The following RUNX2 variants were observed in gnomAD, a reference collection of about 807,000 sequenced individuals.
RUNX2 encodes RUNX family transcription factor 2, also known as runt-related transcription factor 2.
A neutral mutation model predicts 51.7 loss-of-function variants in RUNX2; 10 were observed. The ratio of observed to expected loss-of-function variants is 0.19; its 90% CI spans 0.12 to 0.33. The LOEUF is 0.33. Among genes scored for constraint, RUNX2 ranks in the 10% least tolerant of loss-of-function variants. RUNX2 has a pLI of 1.00. For missense variants in RUNX2, 562 were observed against 691.3 expected, an observed-to-expected ratio of 0.81 and a Z score of 2.10; for synonymous variants, 276 against 273.6, an observed-to-expected ratio of 1.01 and a Z score of -0.09.
intron 5 of RUNX2, among the ~76,000 whole-genome samples, chr6:45,452,356 T>G (rs1799199072): frequency 6.6e-6 from 1 of 152,202 alleles, no homozygotes; most frequent in Admixed American, 6.5e-5. Flanking sequence ...ATTTAAAGAC[T>G]GGCAGAGAAG....
At chr6:45,485,242 G>A (rs1387651743) in intron 5 of RUNX2, among the ~76,000 whole-genome samples, 1 of 144,892 alleles carries the variant, frequency 6.9e-6, no homozygotes, top group Non-Finnish European at 1.5e-5. Flanking sequence ...TTGTTGCCCA[G>A]TTTCTCACTT....
chr6:45,527,445 G>A (rs1226237756), intron 7 of RUNX2, among the ~76,000 whole-genome samples: 1 of 152,214 alleles, frequency 6.6e-6, no homozygotes, highest in African/African-American at 2.4e-5. Flanking sequence ...ACCCTAGTGA[G>A]AGGACAGTGG....
At chr6:45,505,723 C>T (rs532242282) in intron 6 of RUNX2, among the ~76,000 whole-genome samples, 42 of 152,172 alleles carry the variant, frequency 2.8e-4, no homozygotes, top group Non-Finnish European at 5.3e-4. Flanking sequence ...ACGGTTTTGC[C>T]TTCTGTGCTT....
chr6:45,472,252 G>GAA (rs1799824748), intron 5 of RUNX2, among the ~76,000 whole-genome samples: 1 of 152,164 alleles, frequency 6.6e-6, no homozygotes, highest in African/African-American at 2.4e-5. Flanking sequence ...AAAGGAAAGT[G>GAA]AGCAGAGGGC....
In RUNX2 at chr6:45,422,749, AG is replaced by A. The variant is rs1554384228; in HGVS notation, c.217del (p.Ala73ArgfsTer71). The A allele has an allele frequency of 4.6e-6, 7 of 1,531,060 alleles. 1 individual carries two copies. Among genetic ancestry groups the A allele is most frequent in the Non-Finnish European group, 4.4e-6 (5 of 1,143,270 alleles). The allele number at this position is 1,531,060 out of a possible 1,614,324, so 94.8% of individuals were successfully genotyped here. The stretch of plus-strand genomic sequence containing the variant: ...CAGCAACAGCAGCAGCAGCAGCAGG[AG>A]GCGGCGGCGGCGGCTGCGGCGGCGG... ...QQQQQQQQQQ[E>X]AAAAAAAAAA... is the part of the protein sequence containing the mutation. On this transcript the variant is annotated frameshift_variant, in exon 3 of 9. Coordinates refer to ENST00000647337, the MANE Select transcript of RUNX2 (RefSeq NM_001024630.4). LOFTEE classifies it high-confidence loss of function.
At chr6:45,473,126 C>A (rs1183187456) in intron 5 of RUNX2, among the ~76,000 whole-genome samples, 1 of 152,196 alleles carries the variant, frequency 6.6e-6, no homozygotes. Flanking sequence ...TTTATTTATA[C>A]AGCATTTGTG....
At chr6:45,462,618 A>C (rs1799507364) in intron 5 of RUNX2, among the ~76,000 whole-genome samples, 1 of 152,234 alleles carries the variant, frequency 6.6e-6, no homozygotes, top group Non-Finnish European at 1.5e-5. Context: ...ACTATTCACA[A>C]TAGAGTTTTT....
chr6:45,400,660 T>G (rs1244090550), intron 2 of RUNX2, among the ~76,000 whole-genome samples: 1 of 152,180 alleles, frequency 6.6e-6, no homozygotes. Flanking sequence ...TCTTATGTAT[T>G]TTTTTATTTC....
chr6:45,429,906 C>T (rs1477999653), intron 3 of RUNX2, among the ~76,000 whole-genome samples: 1 of 152,018 alleles, frequency 6.6e-6, no homozygotes, highest in Non-Finnish European at 1.5e-5. Context: ...CCAGCCTGGC[C>T]AACATGGTGA....
chr6:45,411,407 T>C (rs1484836113), intron 2 of RUNX2, among the ~76,000 whole-genome samples: 1 of 152,158 alleles, frequency 6.6e-6, no homozygotes, highest in African/African-American at 2.4e-5. Flanking sequence ...ATAAGAAACA[T>C]TCTATAGAAA....
chr6:45,421,900 G>C (rs1798202424), intron 2 of RUNX2: 3 of 152,304 alleles, frequency 2.0e-5, no homozygotes, highest in Admixed American at 2.0e-4. Flanking sequence ...GCAGGAGGGA[G>C]TGGATGCAAA....
chr6:45,494,491 A>G (rs887534316), intron 6 of RUNX2, among the ~76,000 whole-genome samples: 1 of 152,170 alleles, frequency 6.6e-6, no homozygotes, highest in Non-Finnish European at 1.5e-5. Flanking sequence ...AATAGAATTG[A>G]TTTATAGACT....
At chr6:45,524,373 A>G (rs1446668831) in intron 7 of RUNX2, among the ~76,000 whole-genome samples, 1 of 152,176 alleles carries the variant, frequency 6.6e-6, no homozygotes, top group Non-Finnish European at 1.5e-5. Flanking sequence ...AGAGACTGTG[A>G]CCTTAAGTGA....
At chr6:45,397,715 G>T (rs1417675419) in intron 2 of RUNX2, among the ~76,000 whole-genome samples, 1 of 152,062 alleles carries the variant, frequency 6.6e-6, no homozygotes, top group East Asian at 1.9e-4. Context: ...TCTTTTGCTA[G>T]TCACGTAATA....
At chr6:45,484,451 A>G (rs1410415919) in intron 5 of RUNX2, among the ~76,000 whole-genome samples, 1 of 152,232 alleles carries the variant, frequency 6.6e-6, no homozygotes, top group Non-Finnish European at 1.5e-5. Flanking sequence ...ACAAACCACC[A>G]GTGAAATGTA....
chr6:45,502,213 A>G (rs1800817600), intron 6 of RUNX2, among the ~76,000 whole-genome samples: 1 of 152,180 alleles, frequency 6.6e-6, no homozygotes, highest in African/African-American at 2.4e-5. Flanking sequence ...ATTCATCTAA[A>G]GCAGCACACT....
chr6:45,531,202 T>C (rs1017422364), intron 7 of RUNX2, among the ~76,000 whole-genome samples: 3 of 152,188 alleles, frequency 2.0e-5, no homozygotes, highest in Non-Finnish European at 4.4e-5. Flanking sequence ...AGAATCGGAC[T>C]TTGCTACAAA....
chr6:45,447,117 T>C (rs1185666780), intron 5 of RUNX2, among the ~76,000 whole-genome samples: 3 of 152,170 alleles, frequency 2.0e-5, no homozygotes, highest in African/African-American at 7.2e-5. Context: ...CATAGAATCA[T>C]TTTTTGGGAA....
chr6:45,514,636 G>A (rs1217712964), intron 7 of RUNX2, among the ~76,000 whole-genome samples: 1 of 152,174 alleles, frequency 6.6e-6, no homozygotes, highest in South Asian at 2.1e-4. Flanking sequence ...GACATGGACT[G>A]TCAGGGAACT....
Sources: allele counts gnomAD v4.1 joint callset (sites outside exome capture counted in the v4.1 genomes callset), GRCh38; gene constraint gnomAD v4.1.1; transcripts MANE v1.5; gene names NCBI Gene and HGNC (gene_info 2026-07-23, HGNC 2026-07-21).